The following BEND7 variants were observed in gnomAD, a reference collection of about 807,000 sequenced individuals.
The protein encoded by BEND7 is BEN domain-containing protein 7.
Under a neutral mutation model 50.9 loss-of-function variants are expected in BEND7, and 28 were observed. The observed-to-expected ratio is 0.55, with a 90% confidence interval of 0.41 to 0.75. The LOEUF (loss-of-function observed/expected upper bound fraction) is 0.75. BEND7 is among the 30% of genes least tolerant of loss of function. The pLI is 0.00. For synonymous variants in BEND7, 170 were observed against 183.9 expected, an observed-to-expected ratio of 0.92 and a Z score of 0.61; for missense variants, 477 against 491.3, an observed-to-expected ratio of 0.97 and a Z score of 0.28.
At chr10:13,516,619 G>C (rs576712528) in intron 2 of BEND7, among the ~76,000 whole-genome samples, 1 of 152,118 alleles carries the variant, frequency 6.6e-6, no homozygotes, top group African/African-American at 2.4e-5. Flanking sequence ...CCAGCTACTC[G>C]GGAGGCTGAG....
At chr10:13,439,468 G>C (rs761208653), downstream of BEND7, 3 of 1,611,896 alleles carry the variant, frequency 1.9e-6, no homozygotes, top group East Asian at 6.7e-5. Flanking sequence ...CTCCCACCCG[G>C]CAGAACAGTG....
chr10:13,486,882 G>A (rs1020639850), intron 5 of BEND7, among the ~76,000 whole-genome samples: 72 of 152,172 alleles, frequency 4.7e-4, no homozygotes, highest in Non-Finnish European at 1.5e-4. Flanking sequence ...GAGCCAAAAT[G>A]TACAATATGT....
chr10:13,452,776 C>G, intron 6 of BEND7, 118 bp from the exon 7 acceptor site: 6 of 904,108 alleles, frequency 6.6e-6, no homozygotes, highest in Non-Finnish European at 9.6e-6. Flanking sequence ...CAGTTCTGCA[C>G]GATATGTCTT....
chr10:13,524,327 G>A lies in BEND7; in HGVS notation c.145+1811C>T, dbSNP rs974417900. Among the ~76,000 whole-genome samples, 8 of 152,302 alleles carry A rather than the reference G, an allele frequency of 5.3e-5. No homozygotes were observed. The East Asian group carries it at 1.5e-3, about 29-fold the overall frequency. ...TCGTTATTTCGAATGGCTATATAGA[G>A]TGGTACTTTGATAATACAAAATTCC... On this transcript the variant is annotated intron_variant, in intron 2 of 8. Transcript: ENST00000466271.
chr10:13,496,657 C>T, intron 4 of BEND7, 109 bp downstream of exon 4: 1 of 1,299,058 alleles, frequency 7.7e-7, no homozygotes, highest in Non-Finnish European at 1.1e-6. Context: ...CACAGCAAGA[C>T]AGCAAGGTGA....
chr10:13,497,913 CA>C (rs1190486868), intron 3 of BEND7, among the ~76,000 whole-genome samples: 1 of 151,956 alleles, frequency 6.6e-6, no homozygotes, highest in Non-Finnish European at 1.5e-5. Context: ...TTCACCAGAG[CA>C]AAACCATGAA....
At chr10:13,453,950 T>A (rs1838351329) in intron 6 of BEND7, among the ~76,000 whole-genome samples, 2 of 152,240 alleles carry the variant, frequency 1.3e-5, no homozygotes, top group Admixed American at 1.3e-4. Context: ...AAAGCGGCTA[T>A]ATGTGATCTC....
intron 6 of BEND7, among the ~76,000 whole-genome samples, chr10:13,466,149 A>G (rs2074225507): frequency 6.6e-6 from 1 of 151,942 alleles, no homozygotes; most frequent in Admixed American, 6.5e-5. Context: ...GTATATTTCA[A>G]TGGTTACGTC....
chr10:13,506,701 G>A (rs978869441), intron 2 of BEND7, among the ~76,000 whole-genome samples: 2 of 152,110 alleles, frequency 1.3e-5, no homozygotes, highest in Non-Finnish European at 2.9e-5. Flanking sequence ...ATGTTATCAC[G>A]GAAGGCTCTG....
chr10:13,475,067 G>A (rs1040597888), intron 6 of BEND7, among the ~76,000 whole-genome samples: 10 of 152,084 alleles, frequency 6.6e-5, no homozygotes, highest in Non-Finnish European at 1.0e-4. Context: ...GAGAACCATC[G>A]TGGAAGGGGC....
chr10:13,505,627 G>T (rs1213774533), intron 2 of BEND7, among the ~76,000 whole-genome samples: 1 of 152,194 alleles, frequency 6.6e-6, no homozygotes, highest in Non-Finnish European at 1.5e-5. Context: ...CCCTGACTGG[G>T]AGCCTGCCCC....
chr10:13,474,776 C>A (rs1210800870), intron 6 of BEND7, among the ~76,000 whole-genome samples: 4 of 152,220 alleles, frequency 2.6e-5, no homozygotes, highest in African/African-American at 4.8e-5. Flanking sequence ...TACCCATCAT[C>A]AGTGTTGGAC....
chr10:13,478,115 T>G (rs917489327), intron 6 of BEND7, among the ~76,000 whole-genome samples: 2 of 151,672 alleles, frequency 1.3e-5, no homozygotes, highest in African/African-American at 4.9e-5. Context: ...GGAGAGAAAA[T>G]GGTTTTGGGG....
At chr10:13,464,908 T>C (rs2074077191) in intron 6 of BEND7, among the ~76,000 whole-genome samples, 1 of 152,184 alleles carries the variant, frequency 6.6e-6, no homozygotes, top group African/African-American at 2.4e-5. Context: ...GACTCAGTAA[T>C]TTGCCTTCGG....
chr10:13,506,255 C>T (rs1008950920), intron 2 of BEND7, among the ~76,000 whole-genome samples: 3 of 152,190 alleles, frequency 2.0e-5, no homozygotes, highest in Admixed American at 6.5e-5. Context: ...CGCCTCTTCC[C>T]TGTGGATCCT....
At chr10:13,453,275 A>G (rs1194891723) in intron 6 of BEND7, among the ~76,000 whole-genome samples, 2 of 152,166 alleles carry the variant, frequency 1.3e-5, no homozygotes, top group Non-Finnish European at 2.9e-5. Context: ...TGATCGTGGG[A>G]GGGCTATGCA....
intron 2 of BEND7, among the ~76,000 whole-genome samples, chr10:13,517,104 G>A (rs1381951644): frequency 1.4e-5 from 2 of 141,926 alleles, no homozygotes; most frequent in Non-Finnish European, 3.0e-5. Flanking sequence ...CTCACTTGTC[G>A]CCCAGGCTGG....
intron 2 of BEND7, among the ~76,000 whole-genome samples, chr10:13,505,889 A>T (rs1275793871): frequency 2.0e-5 from 3 of 152,188 alleles, no homozygotes; most frequent in Non-Finnish European, 4.4e-5. Flanking sequence ...TAAGTAATTA[A>T]AAAAACCCTG....
chr10:13,488,664 T>C (rs954495687), intron 5 of BEND7, among the ~76,000 whole-genome samples: 1 of 152,162 alleles, frequency 6.6e-6, no homozygotes, highest in Non-Finnish European at 1.5e-5. Flanking sequence ...TTTTTTTTTA[T>C]TTTCAGTAGA....
Sources: gnomAD v4.1 joint callset for allele counts (sites outside exome capture counted in the v4.1 genomes callset) on GRCh38, gnomAD v4.1.1 for gene constraint, MANE v1.5 for transcripts, NCBI Gene and HGNC (gene_info 2026-07-23, HGNC 2026-07-21) for gene names.